Variants in PPIL2 observed in about 807,000 individuals in gnomAD.
PPIL2 encodes the protein peptidylprolyl isomerase like 2.
In PPIL2, 50 loss-of-function variants were observed where a neutral mutation model predicts 75.2. The ratio of observed to expected loss-of-function variants is 0.66; its 90% CI spans 0.53 to 0.84. PPIL2 has a LOEUF of 0.84. Among genes scored for constraint, PPIL2 ranks in the 40% least tolerant of loss-of-function variants. The pLI, the probability that PPIL2 is intolerant of heterozygous loss-of-function variation, is 0.00. For synonymous variants in PPIL2, 245 were observed against 258.8 expected (o/e 0.95, Z 0.51); for missense variants, 590 against 685.0 (o/e 0.86, Z 1.55).
At chr22:21,667,950 T>C (rs1438344092) in intron 1 of PPIL2, among the ~76,000 whole-genome samples, 2 of 152,026 alleles carry the variant, frequency 1.3e-5, no homozygotes. Context: ...CTAATTTTTG[T>C]ATTTTTAGTA....
chr22:21,676,968 G>A lies in PPIL2; in HGVS notation c.295+1853G>A, dbSNP rs541777438. On this transcript the variant is annotated intron_variant, in intron 6 of 19. Transcript: ENST00000398831. ...GGCGCCCCTACCTCCCGGACGGGGC[G>A]GCGGCCAGGCGGGGGCTGCCCCCCA... Among the ~76,000 whole-genome samples, 360 of 150,594 alleles carry A rather than the reference G, an allele frequency of 2.4e-3. 2 individuals are homozygous for A. The highest frequency in any genetic ancestry group is 4.6e-3 in the South Asian group (22 of 4,754).
At chr22:21,688,265 C>T (rs2067463458) in intron 14 of PPIL2, among the ~76,000 whole-genome samples, 159 bp downstream of exon 14, 1 of 152,116 alleles carries the variant, frequency 6.6e-6, no homozygotes, top group Admixed American at 6.5e-5. Flanking sequence ...CAGGCCTGGC[C>T]CTCAGTTTTC....
chr22:21,682,596 C>CCTCCTCAGTCTAGCT (rs2067179015), intron 8 of PPIL2, 70 bp downstream of exon 8: 114 of 798,646 alleles, frequency 1.4e-4, no homozygotes, highest in Non-Finnish European at 1.6e-4. Context: ...TCTACAGGGC[C>CCTCCTCAGTCTAGCT]CTACCCCCAC....
chr22:21,668,752 C>T (rs1237546901), intron 1 of PPIL2, among the ~76,000 whole-genome samples: 1 of 149,632 alleles, frequency 6.7e-6, no homozygotes, highest in Non-Finnish European at 1.5e-5. Flanking sequence ...CGCTCTGTCG[C>T]CCAGGCTGGA....
chr22:21,668,837 G>A (rs570466800), intron 1 of PPIL2, among the ~76,000 whole-genome samples: 1 of 148,862 alleles, frequency 6.7e-6, no homozygotes, highest in Non-Finnish European at 1.5e-5. Context: ...TCAGCCTCCC[G>A]AGTAGCTGGG....
At chr22:21,685,583 AAC>A (rs1449270553) in intron 10 of PPIL2, 1 of 433,060 alleles carries the variant, frequency 2.3e-6, no homozygotes, top group East Asian at 7.2e-5. Flanking sequence ...CACTCCGTCT[AAC>A]ACACTGCCCT....
chr22:21,680,143 G>A (rs1051591969), intron 6 of PPIL2, among the ~76,000 whole-genome samples: 1 of 151,654 alleles, frequency 6.6e-6, no homozygotes, highest in African/African-American at 2.4e-5. Context: ...TGATGTTTCT[G>A]AGTCCCCCTA....
At chr22:21,687,038 A>G (rs1352052220) in intron 12 of PPIL2, 40 bp downstream of exon 12, 6 of 1,546,998 alleles carry the variant, frequency 3.9e-6, no homozygotes, top group Non-Finnish European at 5.4e-6. Flanking sequence ...CCCCAAGGTC[A>G]TCTCTGGGTC....
At chr22:21,698,322 G>A (rs982131613), downstream of PPIL2, 1 of 150,580 alleles carries the variant, frequency 6.6e-6, no homozygotes, top group East Asian at 1.9e-4. Context: ...AATCAATGCC[G>A]TCACAAAAGA....
Position 21,696,223 on chromosome 22 carries a change from GCT to G in PPIL2, c.*737_*738del. On this transcript the variant is annotated 3_prime_UTR_variant, in exon 20 of 20. Transcript: ENST00000398831. ...GAGTTTCCTGCCGTGCCCTGCCTGA[GCT>G]CTCAGGGCCCTGCTCACCTGCTCTG... 2 of 1,005,018 alleles carry G rather than the reference GCT, an allele frequency of 2.0e-6. No homozygotes were observed. Among genetic ancestry groups the G allele is most frequent in the Non-Finnish European group, 2.4e-6 (2 of 840,874 alleles). 62.3% of individuals were successfully genotyped at this position (1,005,018 alleles called of 1,614,324 possible).
intron 9 of PPIL2, among the ~76,000 whole-genome samples, chr22:21,684,522 A>T (rs979972545): frequency 5.3e-5 from 8 of 151,680 alleles, no homozygotes; most frequent in African/African-American, 1.9e-4. Flanking sequence ...GAATATACAG[A>T]TAAATATAAA....
intron 4 of PPIL2, 49 bp from the exon 5 acceptor site, chr22:21,672,281 G>C (rs368663870): frequency 5.3e-6 from 8 of 1,523,370 alleles, no homozygotes; most frequent in Non-Finnish European, 7.3e-6. Context: ...TTGTTACCAG[G>C]TGGCGCCTAA....
intron 6 of PPIL2, among the ~76,000 whole-genome samples, chr22:21,677,616 A>G (rs1490098960): frequency 6.6e-6 from 1 of 152,208 alleles, no homozygotes; most frequent in Non-Finnish European, 1.5e-5. Flanking sequence ...AGAATCACGC[A>G]GGGAGGTTGC....
chr22:21,682,519 C>T lies in PPIL2; in HGVS notation c.470C>T (p.Thr157Ile). ...DEPFSRQDII[T>I]LQDPTNLDKF... ...CCCTTCTCCCGGCAGGACATCATCACCCTCCAGGTGAGTGTCCCCTGCCTG... is the reference window on the plus strand; with the variant it reads ...CCCTTCTCCCGGCAGGACATCATCATCCTCCAGGTGAGTGTCCCCTGCCTG... Residue 157 changes from threonine (T) to isoleucine (I), a missense_variant, in exon 8 of 20, where the codon ACC (threonine) becomes ATC (isoleucine). Transcript: ENST00000398831. 3 of 1,613,298 alleles carry T rather than the reference C, an allele frequency of 1.9e-6. No homozygotes were observed. The highest frequency in any genetic ancestry group is 8.5e-7 in the Non-Finnish European group (1 of 1,179,778).
chr22:21,666,191 G>A (rs964279202), intron 1 of PPIL2, 60 bp downstream of exon 1: 50 of 1,541,572 alleles, frequency 3.2e-5, no homozygotes, highest in Non-Finnish European at 4.1e-5. Context: ...CGCCTGTCCC[G>A]CACTGCGCGC....
intron 16 of PPIL2, 69 bp from the exon 17 acceptor site, chr22:21,694,524 C>A: frequency 6.4e-7 from 1 of 1,561,974 alleles, no homozygotes. Flanking sequence ...TTCCCACGTG[C>A]CTTGGGGCTC....
Position 21,672,357 on chromosome 22 carries a change from C to G in PPIL2, c.219C>G (p.Tyr73Ter), listed in dbSNP as rs773717734. 1 of 1,611,946 alleles carries G rather than the reference C, an allele frequency of 6.2e-7. No individual in the cohort carries two copies. The highest frequency in any genetic ancestry group is 1.3e-5 in the African/African-American group (1 of 74,888). The change falls in exon 5 of 20, where the codon TAC becomes TAG. Residue 73 changes from tyrosine to a stop codon, truncating the protein, a stop_gained. Transcript: ENST00000398831. LOFTEE classifies it high-confidence loss of function. ...ACATTGTTCCATGGCTTAAGAAGTA[C>G]GGGACCAACCCCAGCAATGGAGAGG... ...LLNIVPWLKK[Y>*]GTNPSNGEKL...
chr22:21,699,195 AGC>A (rs2068038484), downstream of PPIL2: 1 of 152,486 alleles, frequency 6.6e-6, no homozygotes, highest in Admixed American at 6.5e-5. Flanking sequence ...GGAGGTGTGA[AGC>A]TGGGCAGGTG....
At position 21,694,657 on chromosome 22, in the gene PPIL2, C is replaced by T. The variant is rs200704017; in HGVS notation, c.1261C>T (p.Arg421Cys). Residue 421 changes from arginine to cysteine, a missense_variant, in exon 17 of 20, where the codon CGC (arginine) becomes TGC (cysteine). Arg to Cys is a radical substitution (Grantham distance 180). Coordinates refer to ENST00000398831, the MANE Select transcript of PPIL2 (RefSeq NM_014337.4). The part of the protein sequence containing the change: ...ENVESDPKTD[R>C]PKEEIRIDAT... ...TGTGGAGAGTGACCCCAAAACTGAC[C>T]GCCCTAAGGTCTGTGCCCAGGGAGG... 19 of 1,614,106 alleles carry T rather than the reference C, an allele frequency of 1.2e-5. No homozygotes were observed. Among genetic ancestry groups the T allele is most frequent in the East Asian group, 6.7e-5 (3 of 44,882 alleles).
Sources: gnomAD v4.1 joint callset for allele counts (sites outside exome capture counted in the v4.1 genomes callset) on GRCh38, gnomAD v4.1.1 for gene constraint, MANE v1.5 for transcripts, NCBI Gene and HGNC (gene_info 2026-07-23, HGNC 2026-07-21) for gene names.